NLRC4: variants seen among roughly 807,000 people sequenced by gnomAD.
NLRC4 encodes NLR family CARD domain containing 4.
A neutral mutation model predicts 79.9 loss-of-function variants in NLRC4; 63 were observed. The observed-to-expected ratio is 0.79, with a 90% confidence interval of 0.64 to 0.97. The LOEUF (loss-of-function observed/expected upper bound fraction) is 0.97. NLRC4 is among the 50% of genes least tolerant of loss of function. NLRC4 has a pLI of 0.00. For missense variants in NLRC4, 1,074 were observed against 1,215.2 expected (o/e 0.88, Z 1.73); for synonymous variants, 461 against 456.5 (o/e 1.01, Z -0.12).
chr2:32,256,698 C>CA, intron 2 of NLRC4, 77 bp downstream of exon 2: 2 of 758,458 alleles, frequency 2.6e-6, no homozygotes, highest in Non-Finnish European at 2.4e-6. Context: ...AAGCCATGAA[C>CA]TGATTTTCCA....
intron 8 of NLRC4, among the ~76,000 whole-genome samples, chr2:32,230,675 T>C (rs1166994992): frequency 6.6e-6 from 1 of 152,164 alleles, no homozygotes. Flanking sequence ...CATTCATTAT[T>C]TGATGGACAT....
chr2:32,227,598 G>A (rs894566392), intron 8 of NLRC4, among the ~76,000 whole-genome samples: 1 of 152,092 alleles, frequency 6.6e-6, no homozygotes, highest in Non-Finnish European at 1.5e-5. Context: ...CACCTAAAAG[G>A]AATTTAAGAA....
chr2:32,253,403 T>C (rs141643887), intron 2 of NLRC4, among the ~76,000 whole-genome samples: 1,924 of 151,858 alleles, frequency 0.013, 52 homozygotes, highest in African/African-American at 0.044. Flanking sequence ...CTGCCTTGGC[T>C]TCCCAAAGTG....
At chr2:32,238,764 A>G (rs1043774513) in intron 5 of NLRC4, among the ~76,000 whole-genome samples, 7 of 152,110 alleles carry the variant, frequency 4.6e-5, no homozygotes, top group Non-Finnish European at 7.4e-5. Context: ...GACTCATGAT[A>G]TGGGGCCTGC....
At chr2:32,256,722 G>C in intron 2 of NLRC4, 53 bp downstream of exon 2, 1 of 677,712 alleles carries the variant, frequency 1.5e-6, no homozygotes, top group Non-Finnish European at 2.7e-6. Context: ...AAAATCACCA[G>C]TATTTGGTAG....
chr2:32,228,673 GAAAAT>G (rs541270627), intron 8 of NLRC4, among the ~76,000 whole-genome samples: 4 of 152,074 alleles, frequency 2.6e-5, no homozygotes, highest in Non-Finnish European at 5.9e-5. Context: ...AGAGCTTTTG[GAAAAT>G]AAAATATGAT....
At chr2:32,240,952 C>G (rs987885663) in intron 5 of NLRC4, 81 bp downstream of exon 5, 3 of 847,422 alleles carry the variant, frequency 3.5e-6, no homozygotes, top group Admixed American at 3.9e-5. Flanking sequence ...CTTGTGCAGA[C>G]ACAGCCAATG....
chr2:32,260,964 A>G (rs1029029136), intron 1 of NLRC4, among the ~76,000 whole-genome samples: 4 of 151,250 alleles, frequency 2.6e-5, no homozygotes, highest in Non-Finnish European at 5.9e-5. Context: ...AGGCTGAGGC[A>G]GGCGGATCAC....
At chr2:32,261,315 C>CTTTTTT (rs1558464069) in intron 1 of NLRC4, among the ~76,000 whole-genome samples, 3 of 81,508 alleles carry the variant, frequency 3.7e-5, no homozygotes, top group African/African-American at 1.4e-4. Context: ...AAGCCTCCCC[C>CTTTTTT]CTTTTGTTTT....
chr2:32,233,471 C>T (rs560105673), intron 8 of NLRC4, among the ~76,000 whole-genome samples: 1 of 150,950 alleles, frequency 6.6e-6, no homozygotes, highest in Admixed American at 6.6e-5. Context: ...GGATTATAGT[C>T]ATCAGCTACC....
chr2:32,233,333 ATATATATATATATATATTTTTTT>A (rs1440656501), intron 8 of NLRC4, among the ~76,000 whole-genome samples: 2 of 40,522 alleles, frequency 4.9e-5, no homozygotes, highest in African/African-American at 2.7e-4. Context: ...ATATATATAT[ATATATATATATATATATTTTTTT>A]TTTTTTTTTT....
chr2:32,226,338 C>T (rs1686396782), intron 8 of NLRC4, among the ~76,000 whole-genome samples: 1 of 152,152 alleles, frequency 6.6e-6, no homozygotes, highest in African/African-American at 2.4e-5. Flanking sequence ...TAGAGTGTGT[C>T]CTTAGTCAAT....
chr2:32,244,020 C>A (rs976656365), intron 4 of NLRC4, among the ~76,000 whole-genome samples: 1 of 152,010 alleles, frequency 6.6e-6, no homozygotes, highest in Non-Finnish European at 1.5e-5. Flanking sequence ...GAGGCCCAGG[C>A]GGGAAAATCT....
chr2:32,250,254 A>C lies in NLRC4; in HGVS notation c.1610T>G (p.Val537Gly). Residue 537 changes from valine (V) to glycine (G), a missense_variant, in exon 4 of 9, where the codon GTG becomes GGG. Val to Gly is a moderately radical substitution (Grantham distance 109). Transcript: ENST00000402280. The surrounding 1 kb of genome is among the most constrained non-coding windows in gnomAD (Gnocchi z 4.9). ...AATTTCTTGCTCAGTGGTGTTTTTC[A>C]CACTTTGCAAAGATTCCTGTCTCCA... ...PLWRQESLQSVKNTTEQEILK... is the reference protein window; with the variant it reads ...PLWRQESLQSGKNTTEQEILK... 1 of 1,614,134 alleles carries C rather than the reference A, an allele frequency of 6.2e-7. No homozygotes were observed. The highest frequency in any genetic ancestry group is 1.1e-5 in the South Asian group (1 of 91,078).
At chr2:32,262,971 C>G (rs1056731044) in intron 1 of NLRC4, among the ~76,000 whole-genome samples, 1 of 151,518 alleles carries the variant, frequency 6.6e-6, no homozygotes, top group Non-Finnish European at 1.5e-5. Flanking sequence ...CTGCCTCGGC[C>G]TCCCAAAGTG....
rs199476299 is a variant in NLRC4 at position 32,235,299 on chromosome 2, A to G, written c.2782+102T>C. On this transcript the variant is annotated intron_variant, in intron 8 of 8. Transcript: ENST00000402280. ...TAGACATATTTATATTTTAAAAAAA[A>G]GAGGAAGCAAAATAAAATAAGGGGG... The G allele has an allele frequency of 4.4e-3, 3,558 of 808,262 alleles. 20 individuals are homozygous for G. The highest frequency in any genetic ancestry group is 4.9e-3 in the Non-Finnish European group (2,377 of 481,700). The allele number at this position is 808,262 out of a possible 1,614,324, so 50.1% of individuals were successfully genotyped here. A position where few individuals can be genotyped will look rare whatever the true frequency, so the allele number is the denominator to read the frequency against.
rs546363318 is a variant in NLRC4 at position 32,238,666 on chromosome 2, G to GT, written c.2351-365_2351-364insA. Among the ~76,000 whole-genome samples, 30 of 151,626 alleles carry GT rather than the reference G, an allele frequency of 2.0e-4. No individual in the cohort carries two copies. The South Asian group carries it at 3.4e-3, about 17-fold the overall frequency. ...ATCTTCTCAAAAATCTTAAACAGCG[G>GT]GGGGGCTGAGTTCAGGGAGGTAGAT... is the stretch of plus-strand genomic sequence containing the variant. On this transcript the variant is annotated intron_variant, in intron 5 of 8. Coordinates refer to ENST00000402280, the MANE Select transcript of NLRC4 (RefSeq NM_001199138.2).
chr2:32,252,338 A>G (rs962322788), intron 3 of NLRC4, 81 bp downstream of exon 3: 3 of 1,001,868 alleles, frequency 3.0e-6, no homozygotes, highest in Non-Finnish European at 4.6e-6. Flanking sequence ...GGAAAAGCAG[A>G]GGCTCTGCCA....
In NLRC4 at chr2:32,252,408, C is replaced by T. The variant is rs1371660190; in HGVS notation, c.262+11G>A. On this transcript the variant is annotated intron_variant, in intron 3 of 8. Coordinates refer to ENST00000402280, the MANE Select transcript of NLRC4 (RefSeq NM_001199138.2). ...CTTGCAGAAACAGATGCAAAACTAA[C>T]TGATACTTACTTTGTCCATTCAAGT... The T allele has an allele frequency of 1.9e-6, 3 of 1,592,444 alleles. No individual in the cohort carries two copies. The highest frequency in any genetic ancestry group is 2.7e-5 in the African/African-American group (2 of 74,584).
Sources: gnomAD v4.1 joint callset for allele counts (sites outside exome capture counted in the v4.1 genomes callset) on GRCh38, gnomAD v4.1.1 for gene constraint, Gnocchi (gnomAD v3.1) non-coding constraint, MANE v1.5 for transcripts, NCBI Gene and HGNC (gene_info 2026-07-23, HGNC 2026-07-21) for gene names.